The following KBTBD12 variants were observed in gnomAD, a reference collection of about 807,000 sequenced individuals.
KBTBD12 encodes kelch repeat and BTB domain containing 12.
Under a neutral mutation model 58.7 loss-of-function variants are expected in KBTBD12, and 53 were observed. The observed-to-expected ratio is 0.90, with a 90% confidence interval of 0.72 to 1.14. The LOEUF is 1.14. Among genes scored for constraint, KBTBD12 ranks in the 50% most tolerant of loss-of-function variants. KBTBD12 has a pLI of 0.00. For missense variants in KBTBD12, 704 were observed against 751.3 expected (o/e 0.94, Z 0.74); for synonymous variants, 236 against 259.8 (o/e 0.91, Z 0.88).
chr3:127,978,654 C>T (rs1449714105), intron 5 of KBTBD12, among the ~76,000 whole-genome samples: 1 of 152,184 alleles, frequency 6.6e-6, no homozygotes, highest in African/African-American at 2.4e-5. Context: ...CCTTCCCAAG[C>T]TCCCAGGCAT....
chr3:127,986,287 T>C lies in KBTBD12; in HGVS notation c.*2009T>C, dbSNP rs963372610. 6.6e-6 allele frequency: 1 copy of C among 152,594 alleles called. No homozygotes were observed. Among genetic ancestry groups the C allele is most frequent in the Admixed American group, 6.5e-5 (1 of 15,280 alleles). The allele number at this position is 152,594 out of a possible 1,614,324, so 9.5% of individuals were successfully genotyped here. The stretch of plus-strand genomic sequence containing the variant: ...TGGGAAGGAAAATATTAATACATAC[T>C]TTATAGGGTTGGTATGAGGATTAAG... On this transcript the variant is annotated 3_prime_UTR_variant, in exon 6 of 6. Transcript: ENST00000405109.
chr3:127,930,099 T>C (rs757597721), intron 3 of KBTBD12, 34 bp from the exon 4 acceptor site: 125 of 1,541,832 alleles, frequency 8.1e-5, no homozygotes, highest in Non-Finnish European at 9.9e-5. Context: ...TGCTAAATGA[T>C]ATGTTATTAT....
intron 1 of KBTBD12, among the ~76,000 whole-genome samples, chr3:127,918,508 T>C (rs1193452326): frequency 6.6e-6 from 1 of 152,032 alleles, no homozygotes; most frequent in Non-Finnish European, 1.5e-5. Flanking sequence ...GTCAGCAGAT[T>C]GAGACCATCC....
Position 127,979,171 on chromosome 3 carries a change from C to T in KBTBD12, c.1691-4926C>T, listed in dbSNP as rs185965694. 6.8e-4 allele frequency among the ~76,000 whole-genome samples: 103 copies of T among 152,254 alleles called. 1 individual carries two copies. Among genetic ancestry groups the T allele is most frequent in the African/African-American group, 2.4e-3 (101 of 41,546 alleles). On this transcript the variant is annotated intron_variant, in intron 5 of 5. Transcript: ENST00000405109. ...TTAAACAAGACCTAGAATAATATGG[C>T]ATAATATTCAAAATGCCTAGCATAT...
At chr3:127,970,249 A>T (rs193060235) in intron 5 of KBTBD12, among the ~76,000 whole-genome samples, 8 of 152,348 alleles carry the variant, frequency 5.3e-5, no homozygotes, top group Admixed American at 5.2e-4. Flanking sequence ...ACCCACAAGG[A>T]TGACTACAAT....
chr3:127,960,649 G>A (rs1940421335), intron 4 of KBTBD12, among the ~76,000 whole-genome samples: 1 of 152,188 alleles, frequency 6.6e-6, no homozygotes, highest in Admixed American at 6.5e-5. Context: ...TTCAGTTTAA[G>A]CTCATTAAGT....
intron 5 of KBTBD12, among the ~76,000 whole-genome samples, chr3:127,983,061 C>T (rs1940900437): frequency 6.6e-6 from 1 of 152,220 alleles, no homozygotes; most frequent in African/African-American, 2.4e-5. Context: ...AGGGCAGTTT[C>T]AACCCTTGTT....
chr3:127,973,185 CCA>C (rs1180887499), intron 5 of KBTBD12, among the ~76,000 whole-genome samples: 1 of 152,240 alleles, frequency 6.6e-6, no homozygotes, highest in South Asian at 2.1e-4. Context: ...TAACTTGTGT[CCA>C]GTCAAACCTC....
At chr3:127,939,077 G>T (rs1168989881) in intron 4 of KBTBD12, among the ~76,000 whole-genome samples, 1 of 152,162 alleles carries the variant, frequency 6.6e-6, no homozygotes, top group Non-Finnish European at 1.5e-5. Context: ...GAAAAGGGAG[G>T]TTATAATTAT....
chr3:127,934,802 T>A (rs1325936948), intron 4 of KBTBD12, among the ~76,000 whole-genome samples: 2 of 152,216 alleles, frequency 1.3e-5, no homozygotes, highest in East Asian at 3.8e-4. Context: ...TCAAGAATTC[T>A]GTATCCAGGA....
Position 127,922,947 on chromosome 3 carries a change from T to C in KBTBD12, c.-112-3T>C. On this transcript the variant is annotated splice_region_variant and splice_polypyrimidine_tract_variant and intron_variant, in intron 1 of 5. Coordinates refer to ENST00000405109, the MANE Select transcript of KBTBD12 (RefSeq NM_207335.4). ...AGGAAACTGCCTTTTTTCTTTCCCT[T>C]AGAAATGTTTCCTGACATCTTTGTA... 3 of 641,746 alleles carry C rather than the reference T, an allele frequency of 4.7e-6. No individual in the cohort carries two copies. The highest frequency in any genetic ancestry group is 8.0e-6 in the Non-Finnish European group (3 of 373,478). The allele number at this position is 641,746 out of a possible 1,614,324, so 39.8% of individuals were successfully genotyped here. A position where few individuals can be genotyped will look rare whatever the true frequency, so the allele number is the denominator to read the frequency against.
At chr3:127,952,736 C>T (rs975430407) in intron 4 of KBTBD12, among the ~76,000 whole-genome samples, 7 of 152,210 alleles carry the variant, frequency 4.6e-5, no homozygotes, top group African/African-American at 1.2e-4. Context: ...CACTAGCAAT[C>T]GTCTGACTTC....
rs1939487373 is a variant in KBTBD12, at chr3:127,923,709, T to C, written c.648T>C (p.Leu216=). The change falls in exon 2 of 6, where the codon CTT becomes CTC. Residue 216 remains leucine (L), a synonymous_variant. Transcript: ENST00000405109. ...KELRTVHLVE[L]LKQVRLELVN... ...TGCGTACAGTGCATCTTGTTGAGCT[T>C]TTGAAGCAAGTCAGATTGGAACTTG... The C allele has an allele frequency of 2.5e-6, 4 of 1,613,878 alleles. No individual in the cohort carries two copies. The highest frequency in any genetic ancestry group is 3.4e-6 in the Non-Finnish European group (4 of 1,179,828).
chr3:127,971,979 A>G (rs1176451272), intron 5 of KBTBD12, among the ~76,000 whole-genome samples: 1 of 152,182 alleles, frequency 6.6e-6, no homozygotes, highest in African/African-American at 2.4e-5. Context: ...CACAGTCTTA[A>G]TGGTGAAAAG....
intron 4 of KBTBD12, among the ~76,000 whole-genome samples, chr3:127,941,290 G>A (rs1027258119): frequency 6.6e-6 from 1 of 152,128 alleles, no homozygotes; most frequent in Non-Finnish European, 1.5e-5. Flanking sequence ...CAAAATATTA[G>A]CAAGTTCAAC....
chr3:127,976,158 T>C (rs1321407655), intron 5 of KBTBD12, among the ~76,000 whole-genome samples: 1 of 152,228 alleles, frequency 6.6e-6, no homozygotes, highest in African/African-American at 2.4e-5. Flanking sequence ...AGAATCTGAA[T>C]ATTTTCTTAC....
At chr3:127,962,285 G>C (rs1384307381) in intron 4 of KBTBD12, among the ~76,000 whole-genome samples, 1 of 152,212 alleles carries the variant, frequency 6.6e-6, no homozygotes, top group African/African-American at 2.4e-5. Context: ...GGACTTGGGA[G>C]GGGAAAATAA....
chr3:127,971,841 C>T (rs879482959), intron 5 of KBTBD12, among the ~76,000 whole-genome samples: 9 of 152,148 alleles, frequency 5.9e-5, no homozygotes, highest in Non-Finnish European at 1.3e-4. Context: ...AACATTTTCA[C>T]CTTAGTATCA....
chr3:127,951,251 T>C (rs1940197153), intron 4 of KBTBD12, among the ~76,000 whole-genome samples: 1 of 152,226 alleles, frequency 6.6e-6, no homozygotes, highest in Admixed American at 6.5e-5. Flanking sequence ...ATTTATTGAT[T>C]ACTTAGTGTA....
Sources: gnomAD v4.1 joint callset for allele counts (sites outside exome capture counted in the v4.1 genomes callset) on GRCh38, gnomAD v4.1.1 for gene constraint, MANE v1.5 for transcripts, NCBI Gene and HGNC (gene_info 2026-07-23, HGNC 2026-07-21) for gene names.